The following AGT variants were observed in gnomAD, a reference collection of about 807,000 sequenced individuals.
The protein encoded by AGT is angiotensinogen.
In AGT, 26 loss-of-function variants were observed where a neutral mutation model predicts 28.1. The observed-to-expected ratio is 0.92, with a 90% CI of 0.68 to 1.28. The LOEUF (loss-of-function observed/expected upper bound fraction) is 1.28, where lower values mean the gene tolerates loss of function less well. AGT is among the 50% of genes most tolerant of loss of function. The probability of loss-of-function intolerance (pLI) is 0.00; values close to 1 mark genes in which losing one functional copy is unlikely to be tolerated. For synonymous variants in AGT, 259 were observed against 259.6 expected, an observed-to-expected ratio of 1.00 and a Z score of 0.02; for missense variants, 596 against 592.3, an observed-to-expected ratio of 1.01 and a Z score of -0.06.
At chr1:230,731,456 C>T (rs1455683984) in intron 1 of AGT, among the ~76,000 whole-genome samples, 1 of 152,340 alleles carries the variant, frequency 6.6e-6, no homozygotes, top group African/African-American at 2.4e-5. Context: ...CTCCTGAATC[C>T]TTGCCGTGTG....
chr1:230,713,867 C>T (rs927834716), intron 1 of AGT, among the ~76,000 whole-genome samples: 3 of 152,184 alleles, frequency 2.0e-5, no homozygotes, highest in Admixed American at 6.5e-5. Context: ...GAAGACCTGA[C>T]CATCTTGTCC....
intron 1 of AGT, among the ~76,000 whole-genome samples, chr1:230,713,774 G>A (rs1369939679): frequency 6.6e-6 from 1 of 152,116 alleles, no homozygotes; most frequent in Non-Finnish European, 1.5e-5. Context: ...AAGAGGACCC[G>A]GTGGACTCTT....
In AGT at chr1:230,710,426, G is replaced by A. The variant is rs771357989; in HGVS notation, c.398C>T (p.Thr133Ile). 2 of 1,614,240 alleles carry A rather than the reference G, an allele frequency of 1.2e-6. No homozygotes were observed. The highest frequency in any genetic ancestry group is 2.2e-5 in the South Asian group (2 of 91,084). ...TVLSPTAVFGTLASLYLGALD... is the reference protein window; with the variant it reads ...TVLSPTAVFGILASLYLGALD... Reference sequence around the variant, plus strand: ...GGCTCCCAGATAGAGAGAGGCCAGGGTGCCAAAGACAGCCGTTGGGGAGAG... The same window carrying A: ...GGCTCCCAGATAGAGAGAGGCCAGGATGCCAAAGACAGCCGTTGGGGAGAG... The change falls in exon 2 of 5, where the codon ACC becomes ATC. Residue 133 changes from threonine (T) to isoleucine (I), a missense_variant. Thr to Ile is a moderately conservative substitution (Grantham distance 89, BLOSUM62 -1). Coordinates refer to ENST00000366667, the MANE Select transcript of AGT (RefSeq NM_001384479.1).
At chr1:230,718,900 G>A (rs139362153), upstream of AGT, among the ~76,000 whole-genome samples, 166 of 151,874 alleles carry the variant, frequency 1.1e-3, no homozygotes, top group Non-Finnish European at 1.9e-3. Context: ...CAACTTTTTT[G>A]TACTTTTTTG....
Position 230,709,484 on chromosome 1 carries a change from T to C in AGT, c.829+511A>G, listed in dbSNP as rs1003106450. 4.6e-5 allele frequency among the ~76,000 whole-genome samples: 7 copies of C among 151,680 alleles called. No individual in the cohort carries two copies. The East Asian group carries it at 9.7e-4, about 21-fold the overall frequency. The stretch of plus-strand genomic sequence containing the variant: ...AATCTTTGTAGTAGAGGGTTTTCAG[T>C]AATGCCCCTCCTAACATGAAAGGGA... On this transcript the variant is annotated intron_variant, in intron 2 of 4. Transcript: ENST00000366667.
At chr1:230,739,326 G>C (rs557921417) in intron 1 of AGT, among the ~76,000 whole-genome samples, 12 of 152,002 alleles carry the variant, frequency 7.9e-5, no homozygotes, top group Non-Finnish European at 1.6e-4. Flanking sequence ...CTGCACTCCA[G>C]CAGTGTCTCT....
At position 230,710,723 on chromosome 1, in the gene AGT, A is replaced by C. The variant is rs1162645963; in HGVS notation, c.101T>G (p.Leu34Arg). 1 of 1,614,080 alleles carries C rather than the reference A, an allele frequency of 6.2e-7. No homozygotes were observed. Among genetic ancestry groups the C allele is most frequent in the East Asian group, 2.2e-5 (1 of 44,872 alleles). ...ACAGGTACTCTCATTGTGGATGACGAGGTGGAAGGGGTGTATGTACACCCG... is the reference window on the plus strand; with the variant it reads ...ACAGGTACTCTCATTGTGGATGACGCGGTGGAAGGGGTGTATGTACACCCG... ...GDRVYIHPFH[L>R]VIHNESTCEQ... is the part of the protein sequence containing the mutation. Residue 34 changes from leucine to arginine, a missense_variant, in exon 2 of 5, where the codon CTC becomes CGC. Physicochemically the swap from Leu to Arg is moderately radical, Grantham distance 102. Coordinates refer to ENST00000366667, the MANE Select transcript of AGT (RefSeq NM_001384479.1).
At chr1:230,742,221 G>A (rs554840204) in intron 1 of AGT, among the ~76,000 whole-genome samples, 5 of 152,080 alleles carry the variant, frequency 3.3e-5, no homozygotes, top group Non-Finnish European at 4.4e-5. Context: ...TGTAGTTTCC[G>A]AGAAATTTTT....
chr1:230,723,622 G>A (rs1476895917), intron 1 of AGT, among the ~76,000 whole-genome samples: 1 of 152,170 alleles, frequency 6.6e-6, no homozygotes, highest in African/African-American at 2.4e-5. Flanking sequence ...ACCAAAGCTA[G>A]TGTCATGCTT....
At chr1:230,734,928 A>G (rs937339387) in intron 1 of AGT, among the ~76,000 whole-genome samples, 9 of 151,760 alleles carry the variant, frequency 5.9e-5, no homozygotes, top group Admixed American at 1.3e-4. Context: ...GTTGGCCAGG[A>G]TGGTCTCGAT....
intron 1 of AGT, among the ~76,000 whole-genome samples, chr1:230,713,671 A>T (rs1663658702): frequency 6.6e-6 from 1 of 152,024 alleles, no homozygotes; most frequent in Non-Finnish European, 1.5e-5. Flanking sequence ...GGGTAGGGTG[A>T]CCACTCTGGG....
At chr1:230,728,851 T>C (rs1028411637) in intron 1 of AGT, among the ~76,000 whole-genome samples, 25 of 152,224 alleles carry the variant, frequency 1.6e-4, no homozygotes, top group African/African-American at 5.8e-4. Context: ...TTATACTCCC[T>C]GCAATCCCTG....
chr1:230,715,860 C>G (rs1310149308), upstream of AGT, among the ~76,000 whole-genome samples: 1 of 152,208 alleles, frequency 6.6e-6, no homozygotes, highest in Non-Finnish European at 1.5e-5. Context: ...AGAGTTTCCA[C>G]TGTGCCTGGG....
intron 1 of AGT, among the ~76,000 whole-genome samples, chr1:230,743,598 G>T (rs1664289262): frequency 6.6e-6 from 1 of 152,198 alleles, no homozygotes; most frequent in South Asian, 2.1e-4. Context: ...AAGCCAAGGG[G>T]CTACAAATGT....
intron 1 of AGT, among the ~76,000 whole-genome samples, chr1:230,730,977 A>C (rs57268081): frequency 0.13 from 19,841 of 152,140 alleles, 1,478 homozygotes; most frequent in South Asian, 0.21. Context: ...ATAATGCCTC[A>C]CTGGACACTG....
At chr1:230,730,062 C>G (rs1188860681) in intron 1 of AGT, among the ~76,000 whole-genome samples, 3 of 151,982 alleles carry the variant, frequency 2.0e-5, no homozygotes, top group Non-Finnish European at 4.4e-5. Flanking sequence ...TCAGGAGGCT[C>G]CTGACCTTGT....
At chr1:230,716,494 A>G (rs1030594006), upstream of AGT, among the ~76,000 whole-genome samples, 1 of 152,194 alleles carries the variant, frequency 6.6e-6, no homozygotes, top group Admixed American at 6.5e-5. Flanking sequence ...CAAATCTCCA[A>G]TTGTAGCTCC....
chr1:230,739,808 G>T (rs186949638), intron 1 of AGT, among the ~76,000 whole-genome samples: 48 of 152,100 alleles, frequency 3.2e-4, no homozygotes, highest in Non-Finnish European at 6.0e-4. Context: ...GAGGAAGGAG[G>T]AGGAAGATCA....
At chr1:230,737,989 G>A (rs934964062) in intron 1 of AGT, among the ~76,000 whole-genome samples, 1 of 151,946 alleles carries the variant, frequency 6.6e-6, no homozygotes, top group Non-Finnish European at 1.5e-5. Flanking sequence ...TTCAGTTAGC[G>A]TAATGTTTTC....
Sources: gnomAD v4.1 joint callset for allele counts (sites outside exome capture counted in the v4.1 genomes callset) on GRCh38, gnomAD v4.1.1 for gene constraint, MANE v1.5 for transcripts, NCBI Gene and HGNC (gene_info 2026-07-23, HGNC 2026-07-21) for gene names.